Variants in PNKP observed in about 807,000 individuals in gnomAD.
The protein encoded by PNKP is polynucleotide kinase 3'-phosphatase.
In PNKP, 82 loss-of-function variants were observed where a neutral mutation model predicts 66.2. That is an observed-to-expected ratio of 1.24 (90% CI 1.04 to 1.49). The LOEUF (loss-of-function observed/expected upper bound fraction) is 1.49, where lower values mean the gene tolerates loss of function less well. Ranked by LOEUF, PNKP falls within the 40% of genes most tolerant of loss-of-function variation. The pLI is 0.00. For synonymous variants in PNKP, 412 were observed against 298.9 expected (o/e 1.38, Z -3.90); for missense variants, 907 against 706.8 (o/e 1.28, Z -3.21).
intron 13 of PNKP, 44 bp from the exon 14 acceptor site, chr19:49,861,925 G>T (rs768249162): frequency 2.4e-5 from 38 of 1,579,512 alleles, no homozygotes; most frequent in Middle Eastern, 3.3e-4. Context: ...GACCCAGGGG[G>T]AGAGAAGACC....
At position 49,861,852 on chromosome 19, in the gene PNKP, C is replaced by T; in HGVS notation, c.1218G>A (p.Val406=). The T allele has an allele frequency of 6.3e-7, 1 of 1,593,910 alleles. No homozygotes were observed. The highest frequency in any genetic ancestry group is 8.5e-7 in the Non-Finnish European group (1 of 1,172,940). ...RDTLGSWQRC[V]TTCETALKQG... ...GCTTCAGGGCTGTCTCACACGTGGT[C>T]ACACAGCGCTGCCAGGAGCCTAGCG... Residue 406 remains valine (V), a synonymous_variant, in exon 14 of 17, where the codon GTG becomes GTA. Transcript: ENST00000322344.
chr19:49,863,490 G>A (rs1049036590), intron 8 of PNKP, among the ~76,000 whole-genome samples, 199 bp downstream of exon 8: 7 of 152,214 alleles, frequency 4.6e-5, no homozygotes, highest in African/African-American at 7.2e-5. Flanking sequence ...GGAATGAACA[G>A]CTTCCCTACT....
chr19:49,866,174 A>G, intron 3 of PNKP: 2 of 567,072 alleles, frequency 3.5e-6, no homozygotes, highest in Non-Finnish European at 6.4e-6. Context: ...CATTCCCGCT[A>G]ATTTTTTAGA....
intron 2 of PNKP, chr19:49,866,847 C>T: frequency 1.6e-6 from 1 of 630,832 alleles, no homozygotes; most frequent in Non-Finnish European, 2.9e-6. Flanking sequence ...GAACATCCTC[C>T]CTAAATCGGC....
At position 49,861,766 on chromosome 19, in the gene PNKP, C is replaced by G; in HGVS notation, c.1298+6G>C. The G allele has an allele frequency of 6.4e-7, 1 of 1,565,992 alleles. No homozygotes were observed. Among genetic ancestry groups the G allele is most frequent in the Non-Finnish European group, 8.6e-7 (1 of 1,156,578 alleles). On this transcript the variant is annotated splice_donor_region_variant and intron_variant, in intron 14 of 16. Coordinates refer to ENST00000322344, the MANE Select transcript of PNKP (RefSeq NM_007254.4). The stretch of plus-strand genomic sequence containing the variant: ...CAGGCCACCTACGGCCCCGCGGTCA[C>G]GCTACCTGGCGCGGCTCGCGGCGTC...
At chr19:49,866,377 G>C in intron 3 of PNKP, 22 bp downstream of exon 3, 1 of 1,609,612 alleles carries the variant, frequency 6.2e-7, no homozygotes, top group African/African-American at 1.3e-5. Context: ...GGCCTTGCTG[G>C]CCCTTGCAGA....
rs2074802847 is a variant in PNKP at position 49,864,369 on chromosome 19, G to A, written c.533C>T (p.Thr178Ile). The change falls in exon 5 of 17, where the codon ACC (threonine) becomes ATC (isoleucine). Residue 178 changes from threonine (T) to isoleucine (I), a missense_variant. By Grantham distance (89) the Thr-to-Ile change is moderately conservative. Coordinates refer to ENST00000322344, the MANE Select transcript of PNKP (RefSeq NM_007254.4). Reference protein sequence around the residue: ...AGFDLDGTLITTRSGKVFPTG... With the variant: ...AGFDLDGTLIITRSGKVFPTG... ...GGGAAAGACCTTCCCAGAGCGTGTG[G>A]TGATGAGCGTCCCGTCCAGATCAAA... The A allele has an allele frequency of 2.5e-6, 4 of 1,614,070 alleles. No individual in the cohort carries two copies. Among genetic ancestry groups the A allele is most frequent in the Non-Finnish European group, 3.4e-6 (4 of 1,179,958 alleles).
intron 3 of PNKP, 160 bp from the exon 4 acceptor site, chr19:49,865,586 C>T: frequency 3.7e-6 from 2 of 539,444 alleles, no homozygotes; most frequent in Non-Finnish European, 6.6e-6. Flanking sequence ...TACAGGTTTT[C>T]AGCCTTGTCC....
rs1390600891 is a variant in PNKP at position 49,861,894 on chromosome 19, G to A, written c.1189-13C>T. 1.9e-6 allele frequency: 3 copies of A among 1,583,780 alleles called. No individual in the cohort carries two copies. On this transcript the variant is annotated splice_polypyrimidine_tract_variant and intron_variant, in intron 13 of 16. Transcript: ENST00000322344. The stretch of plus-strand genomic sequence containing the variant: ...AGCCTAGCGTGTCCTGGGGACACGA[G>A]AGGTCACAAACAGATCGGCAGACCC...
intron 3 of PNKP, chr19:49,866,006 G>A (rs2074816950): frequency 3.0e-6 from 1 of 333,784 alleles, no homozygotes; most frequent in African/African-American, 2.2e-5. Flanking sequence ...TTCTCTCCCA[G>A]CCATATTTTT....
In PNKP at chr19:49,862,043, C is replaced by T. The variant is rs1057518102; in HGVS notation, c.1188+1G>A. ...TTGGGGCGGCAAAAGCCTGGTCATA[C>T]CCTGTTCACGTGGACATATCCGGCC... On this transcript the variant is annotated splice_donor_variant, in intron 13 of 16. Coordinates refer to ENST00000322344, the MANE Select transcript of PNKP (RefSeq NM_007254.4). LOFTEE classifies it high-confidence loss of function. 5 of 1,613,986 alleles carry T rather than the reference C, an allele frequency of 3.1e-6. No individual in the cohort carries two copies. Among genetic ancestry groups the T allele is most frequent in the Non-Finnish European group, 4.2e-6 (5 of 1,179,972 alleles).
intron 7 of PNKP, 48 bp from the exon 8 acceptor site, chr19:49,863,808 ACTGG>A (rs1369452150): frequency 5.3e-5 from 80 of 1,501,478 alleles, no homozygotes; most frequent in Non-Finnish European, 7.2e-5. Flanking sequence ...TCAAGCACCT[ACTGG>A]ATGCCACCCC....
At position 49,861,818 on chromosome 19, in the gene PNKP, G is replaced by A. The variant is rs777641575; in HGVS notation, c.1252C>T (p.Arg418Trp). Residue 418 changes from arginine (R) to tryptophan (W), a missense_variant, in exon 14 of 17, where the codon CGG becomes TGG. Coordinates refer to ENST00000322344, the MANE Select transcript of PNKP (RefSeq NM_007254.4). ...GGGTTTGTGTTGTCGATGGCGACCC[G>A]TTTCCCTTGCTTCAGGGCTGTCTCA... ...TCETALKQGK[R>W]VAIDNTNPDA... is the part of the protein sequence containing the mutation. The A allele has an allele frequency of 9.4e-6, 15 of 1,587,464 alleles. No homozygotes were observed. Among genetic ancestry groups the A allele is most frequent in the African/African-American group, 5.4e-5 (4 of 74,128 alleles).
rs142120097 is a variant in PNKP, at chr19:49,867,545, C to T, written c.-90G>A. The stretch of plus-strand genomic sequence containing the variant: ...CGAGGTGCCCCGCCTGCAACCCGGC[C>T]GGCGGCGGTCGGTTCCTCGGCGGAC... On this transcript the variant is annotated 5_prime_UTR_variant, in exon 1 of 17. Transcript: ENST00000322344. 272 of 270,972 alleles carry T rather than the reference C, an allele frequency of 1.0e-3. No homozygotes were observed. Among genetic ancestry groups the T allele is most frequent in the Non-Finnish European group, 1.6e-3 (235 of 145,794 alleles). 16.8% of individuals were successfully genotyped at this position (270,972 alleles called of 1,614,324 possible).
intron 3 of PNKP, chr19:49,866,153 G>A (rs2074818088): frequency 3.7e-6 from 2 of 535,574 alleles, no homozygotes; most frequent in South Asian, 1.9e-5. Flanking sequence ...GGAACTACAA[G>A]GACGCGCCAC....
rs1568662382 is a variant in PNKP at position 49,865,434 on chromosome 19, A to G, written c.199-8T>C. The G allele has an allele frequency of 1.9e-6, 3 of 1,592,782 alleles. No individual in the cohort carries two copies. The highest frequency in any genetic ancestry group is 2.6e-6 in the Non-Finnish European group (3 of 1,168,848). On this transcript the variant is annotated splice_polypyrimidine_tract_variant and splice_region_variant and intron_variant, in intron 3 of 16. Coordinates refer to ENST00000322344, the MANE Select transcript of PNKP (RefSeq NM_007254.4). ...TGAGGGGTTAACTCCCAGCTGCAGAAAGAGAGGGAGGAGCTGGGACTGGCT... is the reference window on the plus strand; with the variant it reads ...TGAGGGGTTAACTCCCAGCTGCAGAGAGAGAGGGAGGAGCTGGGACTGGCT...
chr19:49,863,784 G>C, intron 7 of PNKP, 24 bp from the exon 8 acceptor site: 1 of 1,549,556 alleles, frequency 6.5e-7, no homozygotes, highest in African/African-American at 1.4e-5. Flanking sequence ...GGGGCCACCA[G>C]CTTTAGCTCC....
chr19:49,867,141 T>C lies in PNKP; in HGVS notation c.64A>G (p.Ile22Val). The C allele has an allele frequency of 6.2e-7, 1 of 1,612,386 alleles. No homozygotes were observed. The highest frequency in any genetic ancestry group is 8.5e-7 in the Non-Finnish European group (1 of 1,179,680). Residue 22 changes from isoleucine to valine, a missense_variant, in exon 2 of 17, where the codon ATC (isoleucine) becomes GTC (valine). Ile to Val is a conservative substitution (Grantham distance 29). Transcript: ENST00000322344. ...LESPPGGAPPIFLPSDGQALV... is the reference protein window; with the variant it reads ...LESPPGGAPPVFLPSDGQALV... ...GCTTGCCCGTCCGAGGGCAGGAAGA[T>C]GGGGGGCGCTCCCCCAGGGGGGCTC...
Position 49,861,773 on chromosome 19 carries a change from TGGCGCGGCTCGCGGC to T in PNKP, c.1282_1296del (p.Ala428_Ala432del). 1 of 1,570,374 alleles carries T rather than the reference TGGCGCGGCTCGCGGC, an allele frequency of 6.4e-7. No individual in the cohort carries two copies. Among genetic ancestry groups the T allele is most frequent in the Non-Finnish European group, 8.6e-7 (1 of 1,158,782 alleles). On this transcript the variant is annotated inframe_deletion and splice_region_variant, in exon 14 of 17. Coordinates refer to ENST00000322344, the MANE Select transcript of PNKP (RefSeq NM_007254.4). ...CCTACGGCCCCGCGGTCACGCTACC[TGGCGCGGCTCGCGGC>T]GTCTGGGTTTGTGTTGTCGATGGCG...
Sources: allele counts gnomAD v4.1 joint callset (sites outside exome capture counted in the v4.1 genomes callset), GRCh38; gene constraint gnomAD v4.1.1; transcripts MANE v1.5; gene names NCBI Gene and HGNC (gene_info 2026-07-23, HGNC 2026-07-21).